CBR4: variants seen among roughly 807,000 people sequenced by gnomAD.
The protein encoded by CBR4 is carbonyl reductase 4.
A neutral mutation model predicts 21.0 loss-of-function variants in CBR4; 22 were observed. That is an observed-to-expected ratio of 1.05 (90% CI 0.75 to 1.50). CBR4 has a LOEUF of 1.50. CBR4 is among the 40% of genes most tolerant of loss of function. CBR4 has a pLI of 0.00. For missense variants in CBR4, 302 were observed against 286.3 expected (o/e 1.05, Z -0.40); for synonymous variants, 100 against 104.4 (o/e 0.96, Z 0.26).
intron 2 of CBR4, among the ~76,000 whole-genome samples, chr4:168,967,027 A>G (rs1764061562): frequency 6.6e-6 from 1 of 151,256 alleles, no homozygotes. Context: ...AAAAAAAAAA[A>G]ATCACGCTAC....
At chr4:168,935,743 A>ATTT (rs1241655079) in intron 2 of CBR4, among the ~76,000 whole-genome samples, 1 of 152,218 alleles carries the variant, frequency 6.6e-6, no homozygotes, top group Non-Finnish European at 1.5e-5. Flanking sequence ...AATCTCTGAA[A>ATTT]GAAAGGCAGC....
Position 168,924,113 on chromosome 4 carries a change from G to A in CBR4, n.170-29348C>T, listed in dbSNP as rs543836806. On this transcript the variant is annotated intron_variant and non_coding_transcript_variant, in intron 2 of 3. Coordinates refer to the CBR4 transcript ENST00000509108. The stretch of plus-strand genomic sequence containing the variant: ...TTGCTTGGTAAAAGAATAATTTGGA[G>A]AGGGGACTAGCATCTTACCACCTGG... The A allele has an allele frequency of 1.3e-5, 9 of 691,558 alleles. No individual in the cohort carries two copies. In the South Asian group the frequency reaches 1.4e-4, roughly 11 times the overall value. 42.8% of individuals were successfully genotyped at this position (691,558 alleles called of 1,614,324 possible).
At chr4:168,985,568 A>G (rs1440623642), downstream of CBR4, among the ~76,000 whole-genome samples, 3 of 152,156 alleles carry the variant, frequency 2.0e-5, no homozygotes, top group Non-Finnish European at 2.9e-5. Flanking sequence ...AAATTATTCT[A>G]CCATGAAGAC....
intron 2 of CBR4, among the ~76,000 whole-genome samples, chr4:168,958,379 A>G (rs1763748926): frequency 1.3e-5 from 2 of 152,180 alleles, no homozygotes; most frequent in African/African-American, 4.8e-5. Flanking sequence ...TTATTTTGCA[A>G]TTTATCTATG....
intron 2 of CBR4, among the ~76,000 whole-genome samples, chr4:168,970,886 A>G (rs1764187601): frequency 6.6e-6 from 1 of 152,030 alleles, no homozygotes; most frequent in South Asian, 2.1e-4. Context: ...GTTGATGGGC[A>G]TTTAGGCTGG....
intron 2 of CBR4, among the ~76,000 whole-genome samples, chr4:168,900,218 C>A (rs570025701): frequency 6.6e-6 from 1 of 152,252 alleles, no homozygotes; most frequent in African/African-American, 2.4e-5. Flanking sequence ...CCGTCACCTC[C>A]CGCCAGGCCC....
chr4:168,967,468 C>T (rs1407845679), intron 2 of CBR4, among the ~76,000 whole-genome samples: 1 of 152,136 alleles, frequency 6.6e-6, no homozygotes, highest in Non-Finnish European at 1.5e-5. Context: ...AACAAATCTG[C>T]ACATTGTGCA....
chr4:168,905,274 C>G (rs1223019349), intron 2 of CBR4, among the ~76,000 whole-genome samples: 1 of 149,572 alleles, frequency 6.7e-6, no homozygotes, highest in Non-Finnish European at 1.5e-5. Context: ...CCTCAGCCTC[C>G]CTAGTAGCTG....
chr4:168,894,547 AT>A (rs1361397924), intron 3 of CBR4: 1 of 1,443,400 alleles, frequency 6.9e-7, no homozygotes, highest in East Asian at 2.3e-5. Context: ...TTTTTTTCTA[AT>A]TTTGTATTTT....
At chr4:168,934,432 A>C (rs1342539891) in intron 2 of CBR4, among the ~76,000 whole-genome samples, 1 of 152,030 alleles carries the variant, frequency 6.6e-6, no homozygotes, top group Non-Finnish European at 1.5e-5. Flanking sequence ...AAACAAAATC[A>C]ACTAGCCACT....
chr4:168,991,005 G>A (rs1578993014), intron 4 of CBR4, among the ~76,000 whole-genome samples: 1 of 152,164 alleles, frequency 6.6e-6, no homozygotes, highest in East Asian at 2.0e-4. Context: ...AGTGAGCCGA[G>A]ATTGTGTCAC....
chr4:168,917,241 G>T (rs1327780001), intron 2 of CBR4, among the ~76,000 whole-genome samples: 1 of 151,066 alleles, frequency 6.6e-6, no homozygotes, highest in Non-Finnish European at 1.5e-5. Context: ...GTACAGACGG[G>T]GTTTCACCAT....
chr4:168,964,022 T>C (rs996489518), intron 2 of CBR4, among the ~76,000 whole-genome samples: 1 of 151,936 alleles, frequency 6.6e-6, no homozygotes, highest in African/African-American at 2.4e-5. Context: ...TGACAGGAAA[T>C]ATAGATCATC....
intron 2 of CBR4, among the ~76,000 whole-genome samples, chr4:168,958,358 A>G (rs1763748298): frequency 6.6e-6 from 1 of 151,904 alleles, no homozygotes; most frequent in Non-Finnish European, 1.5e-5. Context: ...GGCTTCTTTC[A>G]CTCAGCATAA....
chr4:168,928,251 A>C (rs1413185090), intron 2 of CBR4: 1 of 182,910 alleles, frequency 5.5e-6, no homozygotes, highest in African/African-American at 2.4e-5. Flanking sequence ...AATTTTTCTG[A>C]ATGTGACCTT....
At chr4:168,964,977 T>C (rs866527925) in intron 2 of CBR4, among the ~76,000 whole-genome samples, 8 of 152,296 alleles carry the variant, frequency 5.3e-5, no homozygotes, top group Middle Eastern at 3.4e-3. Context: ...AACTAAAACT[T>C]TGCAGATGAC....
chr4:168,962,920 C>T (rs1763904746), intron 2 of CBR4, among the ~76,000 whole-genome samples: 1 of 151,992 alleles, frequency 6.6e-6, no homozygotes, highest in Admixed American at 6.6e-5. Flanking sequence ...TTCTTAAAGA[C>T]AGAGAAGAGA....
Position 168,992,452 on chromosome 4 carries a change from C to G in CBR4, c.536-2124G>C, listed in dbSNP as rs148924472. On this transcript the variant is annotated intron_variant, in intron 4 of 4. Transcript: ENST00000306193. ...AAGCCCTGACTTCCCACTATGAAAT[C>G]TATGCATATAACCAAACTGCATCTG... is the stretch of plus-strand genomic sequence containing the variant. 2.6e-3 allele frequency among the ~76,000 whole-genome samples: 397 copies of G among 152,166 alleles called. 5 individuals are homozygous for G. The highest frequency in any genetic ancestry group is 0.015 in the Admixed American group (228 of 15,278).
chr4:168,930,274 G>C (rs1176053854), intron 2 of CBR4, among the ~76,000 whole-genome samples: 1 of 152,078 alleles, frequency 6.6e-6, no homozygotes, highest in Non-Finnish European at 1.5e-5. Context: ...AGATTTACCA[G>C]AGGGTCAAAA....
Sources: gnomAD v4.1 joint callset for allele counts (sites outside exome capture counted in the v4.1 genomes callset) on GRCh38, gnomAD v4.1.1 for gene constraint, MANE v1.5 for transcripts, NCBI Gene and HGNC (gene_info 2026-07-23, HGNC 2026-07-21) for gene names.